The following SLC43A2 variants were observed in gnomAD, a reference collection of about 807,000 sequenced individuals.
The protein encoded by SLC43A2 is large neutral amino acids transporter small subunit 4.
A neutral mutation model predicts 63.2 loss-of-function variants in SLC43A2; 38 were observed. That is an observed-to-expected ratio of 0.60 (90% CI 0.46 to 0.79). The LOEUF (loss-of-function observed/expected upper bound fraction) is 0.79. Ranked by LOEUF, SLC43A2 falls within the 30% of genes least tolerant of loss-of-function variation. SLC43A2 has a pLI of 0.00. For synonymous variants in SLC43A2, 322 were observed against 331.0 expected, an observed-to-expected ratio of 0.97 and a Z score of 0.30; for missense variants, 644 against 756.2, an observed-to-expected ratio of 0.85 and a Z score of 1.74.
intron 11 of SLC43A2, among the ~76,000 whole-genome samples, chr17:1,582,594 A>T (rs1451741683): frequency 6.6e-6 from 1 of 152,222 alleles, no homozygotes; most frequent in Non-Finnish European, 1.5e-5. Context: ...AAATGGCATG[A>T]TGGTGGTATC....
chr17:1,610,429 A>G (rs1011182425), intron 5 of SLC43A2, among the ~76,000 whole-genome samples: 1 of 146,880 alleles, frequency 6.8e-6, no homozygotes, highest in Non-Finnish European at 1.5e-5. Flanking sequence ...TGCCCTGGCT[A>G]ATTAAAAAAA....
At chr17:1,591,228 C>A (rs1904740624) in intron 8 of SLC43A2, 41 bp downstream of exon 8, 13 of 1,592,696 alleles carry the variant, frequency 8.2e-6, no homozygotes, top group Non-Finnish European at 1.1e-5. Flanking sequence ...ACCCACAGAG[C>A]ACTCCCTGCC....
At chr17:1,591,497 G>A (rs1904779780) in intron 7 of SLC43A2, 26 bp from the exon 8 acceptor site, 1 of 1,612,202 alleles carries the variant, frequency 6.2e-7, no homozygotes, top group Non-Finnish European at 8.5e-7. Context: ...AGTGTCTGTG[G>A]GTGCTGCCCG....
intron 2 of SLC43A2, 57 bp downstream of exon 2, chr17:1,627,658 C>CCCCCCCCCAAACCCCCCCA: frequency 1.3e-6 from 1 of 747,956 alleles, no homozygotes; most frequent in Non-Finnish European, 1.9e-6. Flanking sequence ...CCCCATCCCG[C>CCCCCCCCCAAACCCCCCCA]CCCCTCCCAA....
chr17:1,578,234 G>A lies in SLC43A2; in HGVS notation c.1424+16C>T, dbSNP rs777646573. The A allele has an allele frequency of 5.0e-6, 8 of 1,610,624 alleles. No individual in the cohort carries two copies. The highest frequency in any genetic ancestry group is 1.3e-5 in the African/African-American group (1 of 74,888). On this transcript the variant is annotated intron_variant, in intron 12 of 13. Transcript: ENST00000301335. This position sits in a 1 kb window ranked among gnomAD's most constrained non-coding sequence, Gnocchi z 6.5. ...CACCCTCGCCCACCAGGCCACCTGC[G>A]GCTTCCAGGACTTACACGGCAGCGT...
rs1906614095 is a variant in SLC43A2, at chr17:1,606,350, T to G, written c.501+6845A>C. The stretch of plus-strand genomic sequence containing the variant: ...CTCTTCACTTCCCTCAGATCCCACC[T>G]CCCATGAAATCATGCCTTCCTCAGG... On this transcript the variant is annotated intron_variant, in intron 5 of 13. Transcript: ENST00000301335. The surrounding 1 kb of genome is among the most constrained non-coding windows in gnomAD (Gnocchi z 4.7). Among the ~76,000 whole-genome samples, 1 of 152,080 alleles carries G rather than the reference T, an allele frequency of 6.6e-6. No individual in the cohort carries two copies. The highest frequency in any genetic ancestry group is 2.1e-4 in the South Asian group (1 of 4,828).
At position 1,583,324 on chromosome 17, in the gene SLC43A2, T is replaced by C. The variant is rs1282736934; in HGVS notation, c.1230A>G (p.Lys410=). Reference sequence around the variant, plus strand: ...GGATCTGCCGGTCCCGCTTCTTCTTTTTCTTCTCGCCTCTGTGGAGACACA... The same window carrying C: ...GGATCTGCCGGTCCCGCTTCTTCTTCTTCTTCTCGCCTCTGTGGAGACACA... ...EEKDANQGEK[K]KKKRDRQIQK... The change falls in exon 11 of 14, where the codon AAA becomes AAG. Residue 410 remains lysine (K), a synonymous_variant. Transcript: ENST00000301335. This position sits in a 1 kb window ranked among gnomAD's most constrained non-coding sequence, Gnocchi z 5.5. 6.2e-7 allele frequency: 1 copy of C among 1,614,026 alleles called. No individual in the cohort carries two copies. The highest frequency in any genetic ancestry group is 8.5e-7 in the Non-Finnish European group (1 of 1,180,016).
chr17:1,590,522 C>A (rs4790667), intron 9 of SLC43A2, among the ~76,000 whole-genome samples: 37,843 of 151,936 alleles, frequency 0.25, 5,019 homozygotes, highest in East Asian at 0.36. Flanking sequence ...CACACGGCAA[C>A]CCTCCCCCTC....
At chr17:1,615,842 CAATAAATAAATAAATA>C (rs55746555) in intron 3 of SLC43A2, among the ~76,000 whole-genome samples, 3 of 118,840 alleles carry the variant, frequency 2.5e-5, no homozygotes, top group South Asian at 3.0e-4. Flanking sequence ...GACTCCATCT[CAATAAATAAATAAATA>C]AATAAATAAA....
Position 1,605,049 on chromosome 17 carries a change from C to T in SLC43A2, c.501+8146G>A, listed in dbSNP as rs540090972. 1.7e-5 allele frequency: 24 copies of T among 1,412,678 alleles called. No homozygotes were observed. The East Asian group carries it at 3.4e-4, about 20-fold the overall frequency. The allele number at this position is 1,412,678 out of a possible 1,614,324, so 87.5% of individuals were successfully genotyped here. ...CCAGCTTTGCTGCCAAGCAGGAAGC[C>T]GGAGCTGTTTCCTGACTCACCACCA... On this transcript the variant is annotated intron_variant, in intron 5 of 13. Coordinates refer to ENST00000301335, the MANE Select transcript of SLC43A2 (RefSeq NM_152346.3). The surrounding 1 kb of genome is among the most constrained non-coding windows in gnomAD (Gnocchi z 4.9).
intron 5 of SLC43A2, among the ~76,000 whole-genome samples, chr17:1,602,109 G>A (rs1258218733): frequency 6.6e-6 from 1 of 152,182 alleles, no homozygotes; most frequent in Non-Finnish European, 1.5e-5. Context: ...TCCTGAAGGT[G>A]CGTGTGGGTC....
At chr17:1,613,394 G>C (rs1567642266) in intron 4 of SLC43A2, 123 bp from the exon 5 acceptor site, 3 of 764,342 alleles carry the variant, frequency 3.9e-6, no homozygotes, top group Non-Finnish European at 6.8e-6. Flanking sequence ...GCCGGGGTTA[G>C]TACCTGACAT....
intron 2 of SLC43A2, among the ~76,000 whole-genome samples, chr17:1,619,398 G>A (rs1048705353): frequency 5.3e-5 from 8 of 152,188 alleles, no homozygotes; most frequent in Admixed American, 1.3e-4. Flanking sequence ...ACGTTGAATC[G>A]AGGGGGGATT....
At chr17:1,581,944 T>G (rs567497691) in intron 11 of SLC43A2, among the ~76,000 whole-genome samples, 5 of 151,702 alleles carry the variant, frequency 3.3e-5, no homozygotes, top group South Asian at 4.2e-4. Flanking sequence ...GTAGCTGGGA[T>G]TACAGGCATG....
chr17:1,596,699 C>A (rs1905308040), intron 5 of SLC43A2, among the ~76,000 whole-genome samples: 1 of 152,048 alleles, frequency 6.6e-6, no homozygotes, highest in African/African-American at 2.4e-5. Context: ...CCCACCTCAG[C>A]CTCCCGAGCG....
Position 1,611,280 on chromosome 17 carries a change from G to A in SLC43A2, c.501+1915C>T, listed in dbSNP as rs568244355. 1.6e-4 allele frequency among the ~76,000 whole-genome samples: 25 copies of A among 152,300 alleles called. No individual in the cohort carries two copies. In the South Asian group the frequency reaches 4.3e-3, roughly 26 times the overall value. ...AATTCAGGCCTGCCGTGACAGAGGC[G>A]TCGCGTGACTAAAATAATGGAGGTG... On this transcript the variant is annotated intron_variant, in intron 5 of 13. Transcript: ENST00000301335.
intron 4 of SLC43A2, 58 bp downstream of exon 4, chr17:1,614,921 C>T: frequency 6.4e-7 from 1 of 1,568,578 alleles, no homozygotes; most frequent in Non-Finnish European, 8.8e-7. Flanking sequence ...GGCCTGGGAG[C>T]AGCTCAGGGC....
At chr17:1,624,803 G>A (rs1003457996) in intron 2 of SLC43A2, among the ~76,000 whole-genome samples, 2 of 151,256 alleles carry the variant, frequency 1.3e-5, no homozygotes, top group South Asian at 2.1e-4. Flanking sequence ...AGGCTGAGGC[G>A]GGAGGATTGC....
intron 11 of SLC43A2, among the ~76,000 whole-genome samples, chr17:1,582,939 C>T (rs112074510): frequency 1.3e-3 from 191 of 152,172 alleles, no homozygotes; most frequent in African/African-American, 3.5e-3. Context: ...ATTAGCTGGG[C>T]GTGATGGTGC....
Sources: gnomAD v4.1 joint callset for allele counts (sites outside exome capture counted in the v4.1 genomes callset) on GRCh38, gnomAD v4.1.1 for gene constraint, Gnocchi (gnomAD v3.1) non-coding constraint, MANE v1.5 for transcripts, NCBI Gene and HGNC (gene_info 2026-07-23, HGNC 2026-07-21) for gene names.